PON2: variants seen among roughly 807,000 people sequenced by gnomAD.
The protein encoded by PON2 is paraoxonase 2.
PON2 carries 27 observed loss-of-function variants against 36.6 expected under a neutral mutation model. That is an observed-to-expected ratio of 0.74 (90% confidence interval 0.54 to 1.02). The LOEUF is 1.02. PON2 is among the 50% of genes least tolerant of loss of function. The pLI is 0.00. For missense variants in PON2, 363 were observed against 421.1 expected, an observed-to-expected ratio of 0.86 and a Z score of 1.21; for synonymous variants, 149 against 156.3, an observed-to-expected ratio of 0.95 and a Z score of 0.35.
intron 6 of PON2, among the ~76,000 whole-genome samples, chr7:95,407,927 C>G (rs759464441): frequency 1.3e-5 from 2 of 152,048 alleles, no homozygotes; most frequent in Non-Finnish European, 2.9e-5. Context: ...GAAGCAAGCA[C>G]AAGAGCAGAA....
intron 3 of PON2, chr7:95,413,213 G>C (rs921436848): frequency 3.3e-5 from 5 of 151,978 alleles, no homozygotes; most frequent in African/African-American, 9.7e-5. Flanking sequence ...AGGACCTCTT[G>C]AGCGCAGGAG....
At chr7:95,408,154 G>A (rs1020829107) in intron 6 of PON2, among the ~76,000 whole-genome samples, 1 of 152,196 alleles carries the variant, frequency 6.6e-6, no homozygotes, top group Non-Finnish European at 1.5e-5. Flanking sequence ...CAATTCCTGA[G>A]CATTTGCTTT....
intron 3 of PON2, chr7:95,412,943 G>A (rs2116466695): frequency 5.0e-6 from 1 of 198,746 alleles, no homozygotes; most frequent in East Asian, 1.3e-4. Context: ...TTATTTTAAT[G>A]TCTCATGTCT....
chr7:95,407,156 C>A, intron 6 of PON2, 88 bp from the exon 7 acceptor site: 1 of 843,902 alleles, frequency 1.2e-6, no homozygotes, highest in Non-Finnish European at 1.9e-6. Context: ...TAATAACCTG[C>A]CAAGAAGTTA....
intron 5 of PON2, 141 bp downstream of exon 5, chr7:95,411,509 AAAT>A: frequency 9.4e-7 from 1 of 1,058,612 alleles, no homozygotes; most frequent in South Asian, 1.5e-5. Flanking sequence ...ACACATTTAT[AAAT>A]AAGGAAATAT....
At position 95,405,069 on chromosome 7, in the gene PON2, C is replaced by G; in HGVS notation, c.*261G>C. 2.4e-6 allele frequency: 1 copy of G among 408,316 alleles called. No homozygotes were observed. The highest frequency in any genetic ancestry group is 4.8e-5 in the East Asian group (1 of 20,658). 25.3% of individuals were successfully genotyped at this position (408,316 alleles called of 1,614,324 possible). On this transcript the variant is annotated 3_prime_UTR_variant, in exon 9 of 9. Transcript: ENST00000222572. Reference sequence around the variant, plus strand: ...TGGCAGTTGGAAGGCAAAGGTGAGGCTTACTTTGTGCAAAATGTATTCACT... The same window carrying G: ...TGGCAGTTGGAAGGCAAAGGTGAGGGTTACTTTGTGCAAAATGTATTCACT...
At chr7:95,415,346 T>C (rs954685226) in intron 3 of PON2, 5 of 152,170 alleles carry the variant, frequency 3.3e-5, no homozygotes, top group African/African-American at 1.2e-4. Flanking sequence ...CACAAGCCAA[T>C]TGTTTTTAAA....
chr7:95,431,036 G>A (rs943142078), intron 1 of PON2, among the ~76,000 whole-genome samples: 1 of 152,092 alleles, frequency 6.6e-6, no homozygotes, highest in African/African-American at 2.4e-5. Context: ...TCCTGCCCAC[G>A]CTTAGGTCTC....
intron 5 of PON2, among the ~76,000 whole-genome samples, chr7:95,411,034 TTAAAC>T (rs1241430348): frequency 6.6e-6 from 1 of 152,040 alleles, no homozygotes; most frequent in Non-Finnish European, 1.5e-5. Flanking sequence ...TTCATCAAGT[TTAAAC>T]TAAAAGAAGC....
At chr7:95,411,513 A>T (rs767854054) in intron 5 of PON2, 140 bp downstream of exon 5, 9 of 1,073,426 alleles carry the variant, frequency 8.4e-6, no homozygotes, top group Non-Finnish European at 1.1e-5. Flanking sequence ...ATTTATAAAT[A>T]AGGAAATATA....
chr7:95,407,183 C>T, intron 6 of PON2, 115 bp from the exon 7 acceptor site: 1 of 649,818 alleles, frequency 1.5e-6, no homozygotes, highest in Non-Finnish European at 2.7e-6. Context: ...CATGGGCCCT[C>T]AAGGAATGCT....
intron 1 of PON2, among the ~76,000 whole-genome samples, chr7:95,429,921 CTG>C (rs1198161407): frequency 2.6e-5 from 4 of 152,124 alleles, no homozygotes; most frequent in Non-Finnish European, 4.4e-5. Context: ...AGCTAGAAGA[CTG>C]TGGGGAGCTG....
intron 8 of PON2, 37 bp from the exon 9 acceptor site, chr7:95,405,525 C>T (rs776819037): frequency 8.9e-6 from 14 of 1,573,042 alleles, no homozygotes; most frequent in Non-Finnish European, 1.1e-5. Flanking sequence ...ATAAGACCAC[C>T]GTACATGCAT....
At chr7:95,427,106 G>A (rs1562792607) in intron 1 of PON2, among the ~76,000 whole-genome samples, 2 of 152,140 alleles carry the variant, frequency 1.3e-5, no homozygotes, top group Admixed American at 6.5e-5. Context: ...AGTTACATGA[G>A]GGTTGTGCAT....
At chr7:95,426,969 G>T (rs573651327) in intron 1 of PON2, among the ~76,000 whole-genome samples, 1 of 152,240 alleles carries the variant, frequency 6.6e-6, no homozygotes, top group Admixed American at 6.5e-5. Context: ...TTAATATGGG[G>T]TTCCTGTTTC....
At chr7:95,418,338 G>C (rs1267669989) in intron 2 of PON2, 3 of 152,196 alleles carry the variant, frequency 2.0e-5, no homozygotes, top group South Asian at 2.1e-4. Flanking sequence ...TGGAGGCTTT[G>C]GAAAAGTTAA....
intron 2 of PON2, among the ~76,000 whole-genome samples, chr7:95,421,898 A>T (rs1212131999): frequency 1.3e-5 from 2 of 152,242 alleles, no homozygotes; most frequent in African/African-American, 4.8e-5. Flanking sequence ...TTTTACTAAA[A>T]GAGTGCTGAG....
chr7:95,431,092 C>T (rs1042051515), intron 1 of PON2, among the ~76,000 whole-genome samples: 1 of 152,066 alleles, frequency 6.6e-6, no homozygotes, highest in Non-Finnish European at 1.5e-5. Context: ...TGTACCTTGA[C>T]ACCAGGAACT....
intron 7 of PON2, 128 bp from the exon 8 acceptor site, chr7:95,406,375 A>C: frequency 9.9e-7 from 1 of 1,010,992 alleles, no homozygotes; most frequent in Admixed American, 2.0e-5. Flanking sequence ...TTCTAACACC[A>C]ATATTGCTTA....
Sources: allele counts gnomAD v4.1 joint callset (sites outside exome capture counted in the v4.1 genomes callset), GRCh38; gene constraint gnomAD v4.1.1; transcripts MANE v1.5; gene names NCBI Gene and HGNC (gene_info 2026-07-23, HGNC 2026-07-21).